Variants in SVIL observed in about 807,000 individuals in gnomAD.
The protein encoded by SVIL is archvillin.
Under a neutral mutation model 240.4 loss-of-function variants are expected in SVIL, and 101 were observed. The ratio of observed to expected loss-of-function variants is 0.42; its 90% CI spans 0.36 to 0.50. SVIL has a LOEUF of 0.50. Among genes scored for constraint, SVIL ranks in the 20% least tolerant of loss-of-function variants. The probability of loss-of-function intolerance (pLI) is 0.01; values close to 1 mark genes in which losing one functional copy is unlikely to be tolerated. For synonymous variants in SVIL, 999 were observed against 1,100.0 expected, an observed-to-expected ratio of 0.91 and a Z score of 1.82; for missense variants, 2,512 against 2,818.7, an observed-to-expected ratio of 0.89 and a Z score of 2.46.
intron 1 of SVIL, among the ~76,000 whole-genome samples, chr10:29,729,193 G>C (rs1964458762): frequency 6.6e-6 from 1 of 152,086 alleles, no homozygotes; most frequent in Non-Finnish European, 1.5e-5. Flanking sequence ...CATGATGTTG[G>C]GGGGACAACA....
intron 1 of SVIL, among the ~76,000 whole-genome samples, chr10:29,579,395 G>A (rs763002032): frequency 9.9e-5 from 15 of 151,956 alleles, no homozygotes; most frequent in East Asian, 1.9e-4. Context: ...CAGAGATTGC[G>A]TCACTGCACT....
intron 1 of SVIL, among the ~76,000 whole-genome samples, chr10:29,619,475 G>C (rs183748693): frequency 1.3e-5 from 2 of 152,322 alleles, no homozygotes; most frequent in East Asian, 3.9e-4. Context: ...AAAGAGCTTT[G>C]ACCACAGATG....
At chr10:29,575,083 G>A (rs1215230472) in intron 1 of SVIL, among the ~76,000 whole-genome samples, 1 of 152,204 alleles carries the variant, frequency 6.6e-6, no homozygotes, top group Non-Finnish European at 1.5e-5. Flanking sequence ...TGGCTACTTT[G>A]AAGTGTGTAG....
intron 5 of SVIL, among the ~76,000 whole-genome samples, chr10:29,551,997 C>A (rs1257702170): frequency 6.6e-6 from 1 of 151,924 alleles, no homozygotes; most frequent in Non-Finnish European, 1.5e-5. Flanking sequence ...GTCCATGGTG[C>A]CAGCTACTCA....
At position 29,523,512 on chromosome 10, in the gene SVIL, C is replaced by T; in HGVS notation, c.3102G>A (p.Arg1034=). The T allele has an allele frequency of 6.2e-7, 1 of 1,613,992 alleles. No individual in the cohort carries two copies. The highest frequency in any genetic ancestry group is 8.5e-7 in the Non-Finnish European group (1 of 1,179,950). The change falls in exon 15 of 38, where the codon AGG becomes AGA. Residue 1034 remains arginine (R), a synonymous_variant. Transcript: ENST00000355867. ...NAQGNLDLRD[R]LPFEEKVEVE... ...CCTCCACCTTCTCTTCAAAGGGCAG[C>T]CTGTCCCTCAAGTCCAAGTTTCCTT...
Position 29,462,356 on chromosome 10 carries a change from G to T in SVIL, c.6323C>A (p.Ala2108Asp). Residue 2108 changes from alanine to aspartate, a missense_variant, in exon 36 of 38, where the codon GCT (alanine) becomes GAT (aspartate). Physicochemically the swap from Ala to Asp is moderately radical, Grantham distance 126 (BLOSUM62 -2). Coordinates refer to ENST00000355867, the MANE Select transcript of SVIL (RefSeq NM_021738.3). ...KPAPKSYLIH[A>D]GLEPLTFTNM... Reference sequence around the variant, plus strand: ...GGTGAATGTCAGGGGCTCCAGACCAGCGTGGATAAGGTAAGACTTGGGGGC... The same window carrying T: ...GGTGAATGTCAGGGGCTCCAGACCATCGTGGATAAGGTAAGACTTGGGGGC... 1 of 1,614,214 alleles carries T rather than the reference G, an allele frequency of 6.2e-7. No homozygotes were observed. Among genetic ancestry groups the T allele is most frequent in the Non-Finnish European group, 8.5e-7 (1 of 1,180,036 alleles).
chr10:29,589,953 G>A (rs935525116), intron 1 of SVIL, among the ~76,000 whole-genome samples: 3 of 151,908 alleles, frequency 2.0e-5, no homozygotes, highest in African/African-American at 7.3e-5. Context: ...TGGATCACGA[G>A]GTCAGGAGTG....
At chr10:29,515,038 C>G (rs982004136) in intron 16 of SVIL, among the ~76,000 whole-genome samples, 1 of 152,168 alleles carries the variant, frequency 6.6e-6, no homozygotes. Context: ...GCAGGAGCTT[C>G]GAACTCTGGA....
intron 1 of SVIL, among the ~76,000 whole-genome samples, chr10:29,612,079 T>C (rs118113847): frequency 6.6e-6 from 1 of 152,056 alleles, no homozygotes; most frequent in Non-Finnish European, 1.5e-5. Context: ...ACTCACCTCC[T>C]CAGCTATCTC....
intron 2 of SVIL, among the ~76,000 whole-genome samples, chr10:29,671,695 C>A (rs916931627): frequency 1.3e-5 from 2 of 152,168 alleles, no homozygotes; most frequent in African/African-American, 4.8e-5. Context: ...CAGATATTTA[C>A]CTTATTTCTT....
chr10:29,708,322 A>G (rs1483056459), intron 1 of SVIL, among the ~76,000 whole-genome samples: 1 of 150,660 alleles, frequency 6.6e-6, no homozygotes, highest in Non-Finnish European at 1.5e-5. Flanking sequence ...ATCAGTCATC[A>G]GAAAACAAAA....
chr10:29,647,898 C>A lies in SVIL; in HGVS notation c.-201+10071G>T, dbSNP rs138452811. On this transcript the variant is annotated intron_variant, in intron 3 of 35. Transcript: ENST00000375400. The stretch of plus-strand genomic sequence containing the variant: ...TGGTAGTAGGAAAGTAGTTTTAAAA[C>A]CCCCTACATTTTTTACTTAAAAAGT... Among the ~76,000 whole-genome samples, 480 of 150,892 alleles carry A rather than the reference C, an allele frequency of 3.2e-3. 3 individuals are homozygous for A. The highest frequency in any genetic ancestry group is 0.011 in the African/African-American group (456 of 40,972).
chr10:29,684,991 A>G (rs1460708413), intron 2 of SVIL, among the ~76,000 whole-genome samples: 3 of 152,066 alleles, frequency 2.0e-5, no homozygotes, highest in African/African-American at 7.2e-5. Context: ...TGTGTGTCAC[A>G]GGGGTTTGGT....
At chr10:29,644,245 A>G (rs1045558504) in intron 3 of SVIL, among the ~76,000 whole-genome samples, 5 of 152,110 alleles carry the variant, frequency 3.3e-5, no homozygotes, top group Admixed American at 6.5e-5. Flanking sequence ...TCAGCACCAC[A>G]TGTGGTTTGT....
At chr10:29,661,834 T>C (rs969494498) in intron 2 of SVIL, among the ~76,000 whole-genome samples, 14 of 152,200 alleles carry the variant, frequency 9.2e-5, no homozygotes, top group African/African-American at 3.1e-4. Context: ...ATAAACTTTC[T>C]TTCTTTTTTT....
intron 1 of SVIL, 88 bp from the exon 2 acceptor site, chr10:29,569,400 A>G (rs1664526768): frequency 1.8e-6 from 1 of 566,888 alleles, no homozygotes; most frequent in Admixed American, 6.4e-5. Context: ...CTGCTTTTGA[A>G]CATATAATTT....
chr10:29,547,674 G>A (rs1952817734), intron 6 of SVIL, among the ~76,000 whole-genome samples: 1 of 151,938 alleles, frequency 6.6e-6, no homozygotes, highest in Non-Finnish European at 1.5e-5. Context: ...GTCTTTACTT[G>A]GGATGCTCAA....
At chr10:29,483,261 G>C (rs1480267937) in intron 27 of SVIL, 2 of 152,238 alleles carry the variant, frequency 1.3e-5, no homozygotes, top group African/African-American at 2.4e-5. Context: ...CGATGTGGCA[G>C]ATTGCAGGGT....
rs79511482 is a variant in SVIL at position 29,631,216 on chromosome 10, C to A, written c.-201+3204G>T. On this transcript the variant is annotated intron_variant, in intron 1 of 37. Transcript: ENST00000355867. Reference sequence around the variant, plus strand: ...GCTTTTGCATGTAAGCAGTGAGGAACGATGAGGGTTTGGCCCTGGCCGAGT... The same window carrying A: ...GCTTTTGCATGTAAGCAGTGAGGAAAGATGAGGGTTTGGCCCTGGCCGAGT... 8.7e-4 allele frequency among the ~76,000 whole-genome samples: 133 copies of A among 152,356 alleles called. 4 individuals carry two copies. The East Asian group carries it at 0.023, about 26-fold the overall frequency.
Sources: gnomAD v4.1 joint callset for allele counts (sites outside exome capture counted in the v4.1 genomes callset) on GRCh38, gnomAD v4.1.1 for gene constraint, MANE v1.5 for transcripts, NCBI Gene and HGNC (gene_info 2026-07-23, HGNC 2026-07-21) for gene names.